Variants in SPMIP2 observed in about 807,000 individuals in gnomAD.
SPMIP2 encodes protein SPMIP2.
At chr4:158,971,625 T>C in the SPMIP2 span, among the ~76,000 whole-genome samples, 1 of 152,200 alleles carries the variant, frequency 6.6e-6, no homozygotes, top group African/African-American at 2.4e-5. Flanking sequence ...AGTGCATTCC[T>C]TGGGTTCTCA....
chr4:158,979,607 G>A, the SPMIP2 span, among the ~76,000 whole-genome samples: 1 of 152,090 alleles, frequency 6.6e-6, no homozygotes, highest in African/African-American at 2.4e-5. Flanking sequence ...CCCTAGCCAA[G>A]GGAAGCCACG....
chr4:158,913,548 T>C, the SPMIP2 span, among the ~76,000 whole-genome samples: 5 of 152,174 alleles, frequency 3.3e-5, no homozygotes, highest in Non-Finnish European at 7.3e-5. Context: ...CTATGAACTT[T>C]AGATTAGATA....
the SPMIP2 span, among the ~76,000 whole-genome samples, chr4:158,920,381 T>A: frequency 4.6e-5 from 7 of 152,198 alleles, no homozygotes; most frequent in Non-Finnish European, 5.9e-5. Flanking sequence ...AAGAGCCATA[T>A]TTTTCTTCTT....
chr4:158,957,272 A>G, the SPMIP2 span, among the ~76,000 whole-genome samples: 8 of 152,260 alleles, frequency 5.3e-5, no homozygotes, highest in African/African-American at 1.9e-4. Flanking sequence ...TCTCTAACCC[A>G]GGTCACAAGT....
the SPMIP2 span, among the ~76,000 whole-genome samples, chr4:159,044,757 G>C: frequency 1.3e-5 from 2 of 152,184 alleles, no homozygotes; most frequent in Non-Finnish European, 2.9e-5. Context: ...TGACGAATGG[G>C]ACAAGGGTGG....
chr4:158,932,398 G>A, the SPMIP2 span, among the ~76,000 whole-genome samples: 359 of 152,278 alleles, frequency 2.4e-3, no homozygotes, highest in Non-Finnish European at 4.2e-3. Context: ...GAACCCAGGA[G>A]GCAGAGGTTG....
At chr4:159,017,551 C>T in the SPMIP2 span, among the ~76,000 whole-genome samples, 1 of 152,016 alleles carries the variant, frequency 6.6e-6, no homozygotes, top group Non-Finnish European at 1.5e-5. Flanking sequence ...CAAGTGATTC[C>T]TCCCACCCCA....
At chr4:158,920,045 C>T in the SPMIP2 span, among the ~76,000 whole-genome samples, 8 of 152,060 alleles carry the variant, frequency 5.3e-5, no homozygotes, top group South Asian at 2.1e-4. Context: ...TCAGGGACCC[C>T]GAATGGAGGG....
the SPMIP2 span, among the ~76,000 whole-genome samples, chr4:158,919,602 CCATCA>C: frequency 1.8e-4 from 28 of 152,300 alleles, no homozygotes; most frequent in East Asian, 4.8e-3. Context: ...CTCCTTTATA[CCATCA>C]CATTTCTTGT....
chr4:159,007,512 T>C, the SPMIP2 span: 1 of 835,220 alleles, frequency 1.2e-6, no homozygotes, highest in South Asian at 1.3e-5. Context: ...ATCCTCAAGA[T>C]TGAAGATGGA....
At chr4:158,998,906 C>CT in the SPMIP2 span, among the ~76,000 whole-genome samples, 3 of 152,032 alleles carry the variant, frequency 2.0e-5, no homozygotes, top group African/African-American at 7.2e-5. Context: ...CGTGGTGGCT[C>CT]ATGACTACTT....
At chr4:159,070,400 T>G in the SPMIP2 span, among the ~76,000 whole-genome samples, 1 of 152,242 alleles carries the variant, frequency 6.6e-6, no homozygotes, top group African/African-American at 2.4e-5. Flanking sequence ...ATTTTTAAGT[T>G]TCCATCATAT....
At chr4:158,929,793 A>G in the SPMIP2 span, among the ~76,000 whole-genome samples, 2 of 152,198 alleles carry the variant, frequency 1.3e-5, no homozygotes, top group African/African-American at 2.4e-5. Context: ...TTATCTTTTA[A>G]ATCACATAGG....
the SPMIP2 span, chr4:159,007,700 T>C: frequency 1.4e-6 from 1 of 699,714 alleles, no homozygotes; most frequent in Non-Finnish European, 2.5e-6. Context: ...ACCAGCGAGA[T>C]GAGGCAGCCT....
the SPMIP2 span, among the ~76,000 whole-genome samples, chr4:158,934,603 G>A: frequency 6.6e-6 from 1 of 151,978 alleles, no homozygotes; most frequent in Non-Finnish European, 1.5e-5. Flanking sequence ...TATTATTATA[G>A]AATGCTGCCT....
the SPMIP2 span, among the ~76,000 whole-genome samples, chr4:158,930,649 G>GCCCAGCT: frequency 3.9e-5 from 4 of 102,454 alleles, no homozygotes; most frequent in Non-Finnish European, 7.8e-5. Context: ...GCACTACCAT[G>GCCCAGCT]CCCAGCTAAA....
the SPMIP2 span, among the ~76,000 whole-genome samples, chr4:159,039,877 A>G: frequency 3.4e-4 from 52 of 152,358 alleles, no homozygotes; most frequent in Admixed American, 2.2e-3. Flanking sequence ...GCCCTGTAAA[A>G]GTATCTTGTT....
At chr4:158,998,810 G>C in the SPMIP2 span, among the ~76,000 whole-genome samples, 4 of 152,152 alleles carry the variant, frequency 2.6e-5, no homozygotes, top group East Asian at 5.8e-4. Flanking sequence ...GAGCACAACC[G>C]ACACTGGACT....
the SPMIP2 span, among the ~76,000 whole-genome samples, chr4:158,897,417 ACT>A: frequency 6.6e-6 from 1 of 152,178 alleles, no homozygotes; most frequent in Non-Finnish European, 1.5e-5. Context: ...GAATCGCCAC[ACT>A]GTTTTCCACA....
Sources: gnomAD v4.1 joint callset for allele counts (sites outside exome capture counted in the v4.1 genomes callset) on GRCh38, gnomAD v4.1.1 for gene constraint, MANE v1.5 for transcripts, NCBI Gene and HGNC (gene_info 2026-07-23, HGNC 2026-07-21) for gene names.